Variants in DAGLB observed in about 807,000 individuals in gnomAD.
The protein encoded by DAGLB is diacylglycerol lipase beta.
DAGLB carries 66 observed loss-of-function variants against 72.1 expected under a neutral mutation model. The observed-to-expected ratio is 0.92, with a 90% CI of 0.75 to 1.12. The LOEUF (loss-of-function observed/expected upper bound fraction) is 1.12. DAGLB is among the 50% of genes most tolerant of loss of function. DAGLB has a pLI of 0.00. For missense variants in DAGLB, 1,065 were observed against 884.9 expected, an observed-to-expected ratio of 1.20 and a Z score of -2.58; for synonymous variants, 414 against 359.5, an observed-to-expected ratio of 1.15 and a Z score of -1.71.
intron 7 of DAGLB, 144 bp from the exon 8 acceptor site, chr7:6,424,979 C>T: frequency 1.3e-6 from 1 of 742,800 alleles, no homozygotes; most frequent in Non-Finnish European, 2.3e-6. Context: ...CTCACGCTCA[C>T]TACACAGTGG....
Position 6,434,969 on chromosome 7 carries a change from A to C in DAGLB, c.471T>G (p.Pro157=). The C allele has an allele frequency of 1.2e-6, 2 of 1,614,018 alleles. No individual in the cohort carries two copies. The highest frequency in any genetic ancestry group is 1.7e-6 in the Non-Finnish European group (2 of 1,179,984). The change falls in exon 4 of 15, where the codon CCT becomes CCG. Residue 157 remains proline, a synonymous_variant. Coordinates refer to ENST00000297056, the MANE Select transcript of DAGLB (RefSeq NM_139179.4). ...AATATGGAGCCATTTTCCCCCCAAG[A>C]GGGTCAAAGACAATGATAATGGAAA... ...TVVSIIIVFD[P]LGGKMAPYSS... is the part of the protein sequence containing the mutation.
chr7:6,431,589 CGGTG>C (rs1562485601), intron 5 of DAGLB, among the ~76,000 whole-genome samples: 44 of 151,860 alleles, frequency 2.9e-4, no homozygotes, highest in Non-Finnish European at 4.9e-4. Context: ...CTGGCCAACA[CGGTG>C]AAACCCCGTC....
At chr7:6,413,097 T>G in intron 11 of DAGLB, 63 bp from the exon 12 acceptor site, 1 of 1,552,232 alleles carries the variant, frequency 6.4e-7, no homozygotes, top group Admixed American at 1.8e-5. Context: ...AGGGCTTCCA[T>G]GAAAGAAATC....
At chr7:6,420,987 C>T (rs749191520) in intron 9 of DAGLB, among the ~76,000 whole-genome samples, 3 of 152,194 alleles carry the variant, frequency 2.0e-5, no homozygotes, top group Non-Finnish European at 4.4e-5. Flanking sequence ...AGCTGTTCTT[C>T]ACCATGAGAA....
intron 13 of DAGLB, among the ~76,000 whole-genome samples, chr7:6,410,974 T>C (rs1455436977): frequency 7.0e-6 from 1 of 142,034 alleles, no homozygotes; most frequent in Non-Finnish European, 1.5e-5. Context: ...AAGCTCCGCC[T>C]CCCGGGTTCA....
At position 6,432,943 on chromosome 7, in the gene DAGLB, G is replaced by C. The variant is rs1338389241; in HGVS notation, c.695C>G (p.Pro232Arg). 2 of 1,613,850 alleles carry C rather than the reference G, an allele frequency of 1.2e-6. No individual in the cohort carries two copies. The highest frequency in any genetic ancestry group is 3.3e-5 in the Admixed American group (2 of 59,980). Residue 232 changes from proline to arginine, a missense_variant, in exon 5 of 15, where the codon CCC becomes CGC. By Grantham distance (103) the Pro-to-Arg change is moderately radical. Coordinates refer to ENST00000297056, the MANE Select transcript of DAGLB (RefSeq NM_139179.4). ...GGCGAGGCCCGCCGCAATGTCGCTGGGCACCAGATCTGTGTCCTGGGTGGG... is the reference window on the plus strand; with the variant it reads ...GGCGAGGCCCGCCGCAATGTCGCTGCGCACCAGATCTGTGTCCTGGGTGGG... ...STYFSDTDLV[P>R]SDIAAGLALL...
chr7:6,411,362 C>T (rs1170192850), intron 13 of DAGLB, among the ~76,000 whole-genome samples: 1 of 152,142 alleles, frequency 6.6e-6, no homozygotes, highest in African/African-American at 2.4e-5. Context: ...TGGCTCACAC[C>T]TGTAATCCCA....
At chr7:6,422,572 A>T (rs836516) in intron 8 of DAGLB, 84,613 of 153,176 alleles carry the variant, frequency 0.55, 25,274 homozygotes, top group East Asian at 0.83. Context: ...AAGCGCAAAA[A>T]CACATCCTCT....
chr7:6,435,543 CA>C (rs1270757451), intron 3 of DAGLB: 1 of 156,756 alleles, frequency 6.4e-6, no homozygotes, highest in Non-Finnish European at 1.4e-5. Context: ...CCTGCCCTAA[CA>C]GTAAAGGCCA....
chr7:6,424,061 GC>G (rs1482166327), intron 8 of DAGLB, among the ~76,000 whole-genome samples: 5 of 116,350 alleles, frequency 4.3e-5, no homozygotes, highest in African/African-American at 1.7e-4. Context: ...CCAGTCAGGA[GC>G]AGAAGAGGGC....
intron 9 of DAGLB, among the ~76,000 whole-genome samples, chr7:6,420,808 C>A (rs985033033): frequency 2.0e-5 from 3 of 152,190 alleles, no homozygotes; most frequent in African/African-American, 4.8e-5. Flanking sequence ...TCGGGAGGAG[C>A]TGAGGCAGCC....
intron 9 of DAGLB, among the ~76,000 whole-genome samples, chr7:6,420,496 C>T (rs1260575469): frequency 6.6e-6 from 1 of 151,826 alleles, no homozygotes; most frequent in Non-Finnish European, 1.5e-5. Flanking sequence ...CTGTACGATT[C>T]CACTTCTGTG....
chr7:6,445,849 C>A, intron 2 of DAGLB, 104 bp downstream of exon 2: 2 of 1,275,864 alleles, frequency 1.6e-6, no homozygotes, highest in South Asian at 1.7e-5. Flanking sequence ...ATATTAAAAA[C>A]TGTTGAATTG....
rs1784693639 is a variant in DAGLB at position 6,437,220 on chromosome 7, C to T, written c.248-687G>A. On this transcript the variant is annotated intron_variant, in intron 2 of 14. Coordinates refer to ENST00000297056, the MANE Select transcript of DAGLB (RefSeq NM_139179.4). Reference sequence around the variant, plus strand: ...AATAATTATGCTGAGACAACAGGCACAAAACAGAACTGTCCCAGGCAAACA... The same window carrying T: ...AATAATTATGCTGAGACAACAGGCATAAAACAGAACTGTCCCAGGCAAACA... Among the ~76,000 whole-genome samples the T allele has an allele frequency of 3.3e-5, 5 of 151,014 alleles. No homozygotes were observed. The South Asian group carries it at 8.4e-4, about 25-fold the overall frequency.
rs754109285 is a variant in DAGLB at position 6,430,509 on chromosome 7, G to T, written c.900C>A (p.Leu300=). 6.3e-7 allele frequency: 1 copy of T among 1,598,310 alleles called. No homozygotes were observed. Among genetic ancestry groups the T allele is most frequent in the Non-Finnish European group, 8.5e-7 (1 of 1,169,632 alleles). ...CACCACCAATCCTGCACAGCCCCGT[G>T]AGGGGGTTTCTGTAGATGTAGAGGG... is the stretch of plus-strand genomic sequence containing the variant. ...GWPLYIYRNP[L]TGLCRIGGDC... The change falls in exon 6 of 15, where the codon CTC becomes CTA. Residue 300 remains leucine, a synonymous_variant. Coordinates refer to ENST00000297056, the MANE Select transcript of DAGLB (RefSeq NM_139179.4).
At chr7:6,417,113 G>A (rs185311314) in intron 9 of DAGLB, 192 bp from the exon 10 acceptor site, 35 of 620,908 alleles carry the variant, frequency 5.6e-5, no homozygotes, top group African/African-American at 5.5e-4. Flanking sequence ...CGTGAAGCAG[G>A]TGCCAGGTGT....
chr7:6,433,107 C>T, intron 4 of DAGLB, 148 bp from the exon 5 acceptor site: 1 of 1,242,852 alleles, frequency 8.0e-7, no homozygotes, highest in Non-Finnish European at 1.1e-6. Context: ...CTGCTCCTGG[C>T]AGGAGTGCTT....
chr7:6,415,967 C>T (rs1241621355), intron 11 of DAGLB, among the ~76,000 whole-genome samples: 5 of 151,820 alleles, frequency 3.3e-5, no homozygotes, highest in Non-Finnish European at 4.4e-5. Flanking sequence ...CAGCATACTA[C>T]GGGCTCTGGG....
At chr7:6,420,970 T>A (rs1784094970) in intron 9 of DAGLB, among the ~76,000 whole-genome samples, 1 of 152,188 alleles carries the variant, frequency 6.6e-6, no homozygotes, top group African/African-American at 2.4e-5. Flanking sequence ...GCTCTGAGCT[T>A]TGATGAAGCT....
Sources: allele counts gnomAD v4.1 joint callset (sites outside exome capture counted in the v4.1 genomes callset), GRCh38; gene constraint gnomAD v4.1.1; transcripts MANE v1.5; gene names NCBI Gene and HGNC (gene_info 2026-07-23, HGNC 2026-07-21).